The following SHTN1 variants were observed in gnomAD, a reference collection of about 807,000 sequenced individuals.
SHTN1 encodes shootin-1.
A neutral mutation model predicts 83.1 loss-of-function variants in SHTN1; 42 were observed. The observed-to-expected ratio is 0.51, with a 90% CI of 0.39 to 0.65. The LOEUF (loss-of-function observed/expected upper bound fraction) is 0.65. SHTN1 is among the 30% of genes least tolerant of loss of function. The probability of loss-of-function intolerance (pLI) is 0.00; values close to 1 mark genes in which losing one functional copy is unlikely to be tolerated. For missense variants in SHTN1, 622 were observed against 737.8 expected (o/e 0.84, Z 1.82); for synonymous variants, 224 against 247.7 (o/e 0.90, Z 0.90).
At chr10:117,119,355 G>A (rs1853892229) in intron 1 of SHTN1, among the ~76,000 whole-genome samples, 1 of 152,056 alleles carries the variant, frequency 6.6e-6, no homozygotes. Context: ...AGAAAAAAAT[G>A]GAATAATCTG....
intron 1 of SHTN1, among the ~76,000 whole-genome samples, chr10:117,004,416 C>T (rs191680083): frequency 2.6e-5 from 4 of 152,170 alleles, no homozygotes; most frequent in Admixed American, 2.0e-4. Context: ...CTTCGCCCAG[C>T]GTCAACCCTG....
Position 116,881,533 on chromosome 10 carries a change from CT to C in SHTN1, c.*4810del, listed in dbSNP as rs763733545. The C allele has an allele frequency of 1.0e-5, 16 of 1,542,944 alleles. No homozygotes were observed. Among genetic ancestry groups the C allele is most frequent in the Admixed American group, 1.0e-4 (5 of 49,248 alleles). On this transcript the variant is annotated 3_prime_UTR_variant, in exon 17 of 17. Transcript: ENST00000355371. ...TAAATAGGTTTCAAAGAAGAACACA[CT>C]TTTTTTTACTTTAATGAGGAAGCTG... is the stretch of plus-strand genomic sequence containing the variant.
chr10:117,108,166 G>GAC (rs1350363229), intron 1 of SHTN1, among the ~76,000 whole-genome samples: 1 of 152,052 alleles, frequency 6.6e-6, no homozygotes, highest in African/African-American at 2.4e-5. Flanking sequence ...GTTGAAAAAG[G>GAC]ACATATTAAC....
At chr10:116,948,804 GAGA>G (rs10595325) in intron 7 of SHTN1, 109 bp downstream of exon 7, 614,881 of 636,710 alleles carry the variant, frequency 0.97, 299,792 homozygotes, top group East Asian at 1. Context: ...CACAATATAG[GAGA>G]AGATTTTATT....
At chr10:116,976,796 T>TTG (rs991990587) in intron 2 of SHTN1, among the ~76,000 whole-genome samples, 38 of 152,340 alleles carry the variant, frequency 2.5e-4, no homozygotes, top group Middle Eastern at 3.4e-3. Context: ...TAACAGAAGA[T>TTG]AAACAGAGTG....
intron 9 of SHTN1, among the ~76,000 whole-genome samples, chr10:116,939,597 G>A (rs562727345): frequency 8.4e-4 from 128 of 152,268 alleles, no homozygotes; most frequent in African/African-American, 2.9e-3. Context: ...GGAGCTGTTC[G>A]TATTCGGCCA....
chr10:117,044,213 A>ATAACATAT (rs1852628538), intron 2 of SHTN1, among the ~76,000 whole-genome samples: 1 of 152,144 alleles, frequency 6.6e-6, no homozygotes, highest in South Asian at 2.1e-4. Context: ...TCTCCTGGAA[A>ATAACATAT]TGTTAATACA....
intron 2 of SHTN1, among the ~76,000 whole-genome samples, chr10:117,021,788 T>A (rs1032127508): frequency 6.6e-5 from 10 of 152,176 alleles, no homozygotes; most frequent in African/African-American, 2.4e-4. Flanking sequence ...AACAAATTAA[T>A]AGATAAACAA....
At chr10:117,004,747 CA>C (rs1164941882) in intron 1 of SHTN1, among the ~76,000 whole-genome samples, 2 of 152,218 alleles carry the variant, frequency 1.3e-5, no homozygotes, top group African/African-American at 4.8e-5. Context: ...TCCCTTCCCC[CA>C]GCCCCCGATC....
intron 3 of SHTN1, among the ~76,000 whole-genome samples, chr10:116,963,560 T>C (rs2133447810): frequency 6.6e-6 from 1 of 152,288 alleles, no homozygotes; most frequent in South Asian, 2.1e-4. Context: ...ACTGCAGTTA[T>C]GTTAAAAAGA....
intron 8 of SHTN1, among the ~76,000 whole-genome samples, chr10:116,942,651 T>A (rs1199518803): frequency 1.3e-5 from 2 of 152,258 alleles, no homozygotes; most frequent in Admixed American, 1.3e-4. Context: ...GGGGGGTAAC[T>A]TTCAATTTTT....
At chr10:116,902,630 G>T (rs1209841106) in intron 15 of SHTN1, among the ~76,000 whole-genome samples, 2 of 152,172 alleles carry the variant, frequency 1.3e-5, no homozygotes, top group Non-Finnish European at 2.9e-5. Context: ...GGGCATTGAA[G>T]CCAGTCCCTA....
chr10:117,004,816 G>A (rs918556901), intron 1 of SHTN1, among the ~76,000 whole-genome samples: 7 of 152,222 alleles, frequency 4.6e-5, no homozygotes, highest in Non-Finnish European at 8.8e-5. Flanking sequence ...GACTAGCCCC[G>A]ACACTCCGCG....
At chr10:116,900,515 T>C in intron 16 of SHTN1, 1 of 1,511,422 alleles carries the variant, frequency 6.6e-7, no homozygotes, top group Non-Finnish European at 8.9e-7. Context: ...GAGGAAGGAG[T>C]TGCAGTATTT....
intron 3 of SHTN1, among the ~76,000 whole-genome samples, chr10:116,966,223 G>T (rs1045396031): frequency 2.0e-5 from 3 of 152,110 alleles, no homozygotes; most frequent in Non-Finnish European, 2.9e-5. Flanking sequence ...TAGCCAGGAT[G>T]GTCTTGATCT....
intron 1 of SHTN1, among the ~76,000 whole-genome samples, chr10:117,057,118 C>T (rs1182290771): frequency 2.0e-5 from 3 of 152,112 alleles, no homozygotes; most frequent in Non-Finnish European, 4.4e-5. Flanking sequence ...TAGAAAATCT[C>T]AAGAAATCTA....
intron 9 of SHTN1, among the ~76,000 whole-genome samples, chr10:116,937,579 C>G (rs1350128027): frequency 6.6e-6 from 1 of 152,162 alleles, no homozygotes; most frequent in African/African-American, 2.4e-5. Context: ...ACCTTTCTCT[C>G]TGGCCGCCCT....
intron 1 of SHTN1, among the ~76,000 whole-genome samples, chr10:117,073,512 C>T (rs565783778): frequency 1.3e-5 from 2 of 152,260 alleles, no homozygotes; most frequent in African/African-American, 4.8e-5. Flanking sequence ...TAGTGCATTT[C>T]CAATATGTCA....
At chr10:116,978,473 A>T (rs1328987761) in intron 2 of SHTN1, among the ~76,000 whole-genome samples, 1 of 151,776 alleles carries the variant, frequency 6.6e-6, no homozygotes, top group African/African-American at 2.4e-5. Context: ...TTTAAAGTAA[A>T]TTTTTTTTAT....
Sources: allele counts gnomAD v4.1 joint callset (sites outside exome capture counted in the v4.1 genomes callset), GRCh38; gene constraint gnomAD v4.1.1; transcripts MANE v1.5; gene names NCBI Gene and HGNC (gene_info 2026-07-23, HGNC 2026-07-21).